The following GALNT13 variants were observed in gnomAD, a reference collection of about 807,000 sequenced individuals.
The protein encoded by GALNT13 is polypeptide N-acetylgalactosaminyltransferase 13.
Under a neutral mutation model 64.2 loss-of-function variants are expected in GALNT13, and 28 were observed. That is an observed-to-expected ratio of 0.44 (90% CI 0.32 to 0.60). GALNT13 has a LOEUF of 0.60. GALNT13 is among the 20% of genes least tolerant of loss of function. The pLI is 0.05. For synonymous variants in GALNT13, 214 were observed against 224.6 expected (o/e 0.95, Z 0.42); for missense variants, 577 against 669.8 (o/e 0.86, Z 1.53).
At chr2:153,839,417 G>A in the GALNT13 span, among the ~76,000 whole-genome samples, 1 of 151,772 alleles carries the variant, frequency 6.6e-6, no homozygotes, top group Non-Finnish European at 1.5e-5. Flanking sequence ...GCTTTTATAT[G>A]TTGAAGAATA....
chr2:153,202,705 A>G, the GALNT13 span, among the ~76,000 whole-genome samples: 1 of 152,248 alleles, frequency 6.6e-6, no homozygotes, highest in South Asian at 2.1e-4. Context: ...ACCCGAATTT[A>G]TAAAATAAAT....
chr2:153,400,894 T>A, the GALNT13 span, among the ~76,000 whole-genome samples: 3 of 152,136 alleles, frequency 2.0e-5, no homozygotes, highest in South Asian at 6.2e-4. Flanking sequence ...ATTCATTAAT[T>A]TTTTGAAGGG....
At chr2:153,633,519 A>G in the GALNT13 span, among the ~76,000 whole-genome samples, 1 of 152,160 alleles carries the variant, frequency 6.6e-6, no homozygotes. Context: ...ATTTACAGAC[A>G]TTTTGAAGCC....
Position 153,944,627 on chromosome 2 carries a change from C to T in GALNT13, c.130C>T (p.Pro44Ser). 6.2e-7 allele frequency: 1 copy of T among 1,612,792 alleles called. No individual in the cohort carries two copies. Among genetic ancestry groups the T allele is most frequent in the Non-Finnish European group, 8.5e-7 (1 of 1,179,234 alleles). ...TGACAAGAAGGAGAGATCTCTGCTG[C>T]CTGCATTGAGGGGTAAGTGCTTATG... ...CDDKKERSLLPALRAVISRNQ... is the reference protein window; with the variant it reads ...CDDKKERSLLSALRAVISRNQ... Residue 44 changes from proline to serine, a missense_variant, in exon 3 of 13, where the codon CCT (proline) becomes TCT (serine). This residue lies in a region of GALNT13 where 341 missense variants were observed against 379.3 expected (regional missense o/e 0.90). Transcript: ENST00000392825.
At chr2:154,254,763 C>G (rs1690279172) in intron 7 of GALNT13, among the ~76,000 whole-genome samples, 1 of 151,894 alleles carries the variant, frequency 6.6e-6, no homozygotes, top group African/African-American at 2.4e-5. Flanking sequence ...GAGGAATCAT[C>G]TAGTGAGTAA....
At chr2:153,736,826 A>G in the GALNT13 span, among the ~76,000 whole-genome samples, 1 of 151,996 alleles carries the variant, frequency 6.6e-6, no homozygotes, top group African/African-American at 2.4e-5. Flanking sequence ...CCTGCATACA[A>G]CCTAGCTCCT....
the GALNT13 span, among the ~76,000 whole-genome samples, chr2:153,184,708 C>T: frequency 2.2e-3 from 341 of 151,982 alleles, 1 homozygote; most frequent in Admixed American, 4.9e-3. Flanking sequence ...AGGCCTTTAC[C>T]GCATCTATTG....
the GALNT13 span, among the ~76,000 whole-genome samples, chr2:153,467,404 A>G: frequency 2.0e-5 from 3 of 152,046 alleles, no homozygotes; most frequent in Non-Finnish European, 4.4e-5. Flanking sequence ...GTTGTTAATG[A>G]CAAAGCACCA....
At chr2:153,514,330 A>G in the GALNT13 span, among the ~76,000 whole-genome samples, 3 of 152,182 alleles carry the variant, frequency 2.0e-5, no homozygotes, top group Non-Finnish European at 4.4e-5. Flanking sequence ...GATTGTTTTC[A>G]TACTTCATCT....
At chr2:153,077,910 A>G in the GALNT13 span, among the ~76,000 whole-genome samples, 5 of 152,236 alleles carry the variant, frequency 3.3e-5, no homozygotes, top group African/African-American at 1.2e-4. Context: ...AAATTAGAAT[A>G]AAACTTTCAC....
intron 3 of GALNT13, among the ~76,000 whole-genome samples, chr2:154,005,429 C>A (rs1696178432): frequency 1.3e-5 from 2 of 152,106 alleles, no homozygotes; most frequent in Non-Finnish European, 2.9e-5. Flanking sequence ...TTAAAAAATT[C>A]TTCACTACAT....
At chr2:153,645,070 T>C in the GALNT13 span, among the ~76,000 whole-genome samples, 1 of 152,142 alleles carries the variant, frequency 6.6e-6, no homozygotes, top group Non-Finnish European at 1.5e-5. Context: ...ATCCTCACTA[T>C]TGTGAAACAT....
chr2:153,555,295 C>T, the GALNT13 span, among the ~76,000 whole-genome samples: 3 of 111,566 alleles, frequency 2.7e-5, no homozygotes, highest in East Asian at 5.0e-4. Context: ...CCCGGGTTCA[C>T]GCCATTCTCC....
the GALNT13 span, among the ~76,000 whole-genome samples, chr2:153,662,626 T>C: frequency 6.6e-6 from 1 of 152,208 alleles, no homozygotes. Context: ...TCTTCTATAA[T>C]GAAAATCCAC....
chr2:153,480,712 T>G, the GALNT13 span, among the ~76,000 whole-genome samples: 1 of 152,072 alleles, frequency 6.6e-6, no homozygotes, highest in African/African-American at 2.4e-5. Flanking sequence ...CATCCTGAGA[T>G]GAATGGTAGA....
chr2:153,343,628 G>T, the GALNT13 span, among the ~76,000 whole-genome samples: 1 of 152,164 alleles, frequency 6.6e-6, no homozygotes, highest in South Asian at 2.1e-4. Flanking sequence ...GCTCATTCTT[G>T]CATAACATTT....
the GALNT13 span, among the ~76,000 whole-genome samples, chr2:153,766,918 T>A: frequency 6.6e-6 from 1 of 152,144 alleles, no homozygotes; most frequent in Non-Finnish European, 1.5e-5. Flanking sequence ...TTCACTTTTT[T>A]ATTTACTTTA....
rs552583830 is a variant in GALNT13 at position 154,151,684 on chromosome 2, A to G, written c.311+11179A>G. Among the ~76,000 whole-genome samples, 5 of 152,266 alleles carry G rather than the reference A, an allele frequency of 3.3e-5. No individual in the cohort carries two copies. The East Asian group carries it at 5.8e-4, about 18-fold the overall frequency. On this transcript the variant is annotated intron_variant, in intron 4 of 12. Coordinates refer to ENST00000392825, the MANE Select transcript of GALNT13 (RefSeq NM_052917.4). ...GAATTGAACCCTTTACCATTATGTA[A>G]TGTCCTTCTTTGTCTCTTTTGATCT...
At position 154,284,520 on chromosome 2, in the gene GALNT13, T is replaced by TACACACACACACACACAC. The variant is rs372990123; in HGVS notation, c.976-16875_976-16858dup. Among the ~76,000 whole-genome samples the TACACACACACACACACAC allele has an allele frequency of 1.8e-3, 269 of 145,850 alleles. 1 individual carries two copies. Among genetic ancestry groups the TACACACACACACACACAC allele is most frequent in the Non-Finnish European group, 2.4e-3 (158 of 66,124 alleles). ...ATATATGTATCTGTATACATATAGC[T>TACACACACACACACACAC]ACACACACACACACACACACACACA... On this transcript the variant is annotated intron_variant, in intron 8 of 12. Transcript: ENST00000392825.
Sources: allele counts gnomAD v4.1 joint callset (sites outside exome capture counted in the v4.1 genomes callset), GRCh38; gene constraint gnomAD v4.1.1; regional missense constraint gnomAD v4.1.1; transcripts MANE v1.5; gene names NCBI Gene and HGNC (gene_info 2026-07-23, HGNC 2026-07-21).